The following TXLNB variants were observed in gnomAD, a reference collection of about 807,000 sequenced individuals.
TXLNB encodes the protein beta-taxilin.
Under a neutral mutation model 57.4 loss-of-function variants are expected in TXLNB, and 37 were observed. The ratio of observed to expected loss-of-function variants is 0.64; its 90% CI spans 0.50 to 0.85. TXLNB has a LOEUF of 0.85. Among genes scored for constraint, TXLNB ranks in the 40% least tolerant of loss-of-function variants. TXLNB has a pLI of 0.00. For synonymous variants in TXLNB, 302 were observed against 309.6 expected (o/e 0.98, Z 0.26); for missense variants, 848 against 825.6 (o/e 1.03, Z -0.33).
the TXLNB span, among the ~76,000 whole-genome samples, chr6:139,312,665 AC>A: frequency 8.3e-6 from 1 of 120,816 alleles, no homozygotes; most frequent in African/African-American, 3.5e-5. Context: ...TTGAATATGA[AC>A]CCCAAAACAT....
the TXLNB span, among the ~76,000 whole-genome samples, chr6:139,221,442 A>G: frequency 6.6e-6 from 1 of 152,120 alleles, no homozygotes; most frequent in Non-Finnish European, 1.5e-5. Flanking sequence ...GGAAGATAAC[A>G]CTTTCCAGAG....
chr6:139,210,679 G>A, the TXLNB span, among the ~76,000 whole-genome samples: 107 of 152,364 alleles, frequency 7.0e-4, no homozygotes, highest in East Asian at 0.014. Context: ...AAAGCAGGGC[G>A]AGGCATCGCC....
At chr6:139,228,727 C>A in the TXLNB span, among the ~76,000 whole-genome samples, 1 of 152,040 alleles carries the variant, frequency 6.6e-6, no homozygotes, top group South Asian at 2.1e-4. Flanking sequence ...TTAGACTGGA[C>A]CCCACTTGGT....
At chr6:139,185,016 T>C in the TXLNB span, among the ~76,000 whole-genome samples, 611 of 152,318 alleles carry the variant, frequency 4.0e-3, 2 homozygotes, top group Middle Eastern at 0.014. Flanking sequence ...CATTAACAAA[T>C]TGCATATTTT....
the TXLNB span, among the ~76,000 whole-genome samples, chr6:139,215,367 C>T: frequency 6.6e-6 from 1 of 152,120 alleles, no homozygotes; most frequent in Non-Finnish European, 1.5e-5. Context: ...CAAAAACAAG[C>T]AATGGGGAAA....
chr6:139,242,406 G>A lies in TXLNB; in HGVS notation c.*120C>T, dbSNP rs1340240229. 2 of 778,300 alleles carry A rather than the reference G, an allele frequency of 2.6e-6. No homozygotes were observed. Among genetic ancestry groups the A allele is most frequent in the African/African-American group, 1.8e-5 (1 of 55,658 alleles). 48.2% of individuals were successfully genotyped at this position (778,300 alleles called of 1,614,324 possible). A position where few individuals can be genotyped will look rare whatever the true frequency, so the allele number is the denominator to read the frequency against. ...TGTGTTCTGCCTAACATTAAAAAAT[G>A]TCTTGATCCTAAGTCTCTTCCATTT... On this transcript the variant is annotated 3_prime_UTR_variant, in exon 10 of 10. Coordinates refer to ENST00000358430, the MANE Select transcript of TXLNB (RefSeq NM_153235.4).
chr6:139,180,057 A>C, the TXLNB span: 2 of 152,216 alleles, frequency 1.3e-5, no homozygotes. Context: ...AGCAGTTGAT[A>C]TAATGGGTTT....
the TXLNB span, among the ~76,000 whole-genome samples, chr6:139,229,014 C>T: frequency 2.0e-5 from 3 of 152,158 alleles, no homozygotes; most frequent in Non-Finnish European, 4.4e-5. Flanking sequence ...CTTGATGGCC[C>T]CATCCAGACT....
chr6:139,236,013 C>A (rs1448596873), downstream of TXLNB, among the ~76,000 whole-genome samples: 1 of 152,150 alleles, frequency 6.6e-6, no homozygotes, highest in Non-Finnish European at 1.5e-5. Context: ...GGACGCTGGG[C>A]AGCCTGACTC....
chr6:139,244,645 TC>T lies in TXLNB; in HGVS notation c.1215del (p.Trp405Ter). On this transcript the variant is annotated frameshift_variant, in exon 9 of 10. Coordinates refer to ENST00000358430, the MANE Select transcript of TXLNB (RefSeq NM_153235.4). LOFTEE classifies it high-confidence loss of function. ...MKKLEKDTAT[W>X]KARFENCNKA... is the part of the protein sequence containing the mutation. ...TTGTTACAGTTCTCAAATCGGGCTT[TC>T]CATGTGGCTGTGTCCTTTTCCAGCT... The T allele has an allele frequency of 6.2e-7, 1 of 1,614,130 alleles. No individual in the cohort carries two copies.
At chr6:139,223,282 C>T in the TXLNB span, among the ~76,000 whole-genome samples, 6 of 151,982 alleles carry the variant, frequency 3.9e-5, no homozygotes, top group African/African-American at 1.4e-4. Context: ...CATAGTAGAT[C>T]AAAACTTGTG....
chr6:139,220,916 GA>G, the TXLNB span, among the ~76,000 whole-genome samples: 1 of 152,258 alleles, frequency 6.6e-6, no homozygotes, highest in Non-Finnish European at 1.5e-5. Context: ...TCAAGATAAT[GA>G]AATTGATGCT....
intron 8 of TXLNB, among the ~76,000 whole-genome samples, chr6:139,247,221 A>C (rs1031040659): frequency 6.6e-6 from 1 of 152,030 alleles, no homozygotes; most frequent in Non-Finnish European, 1.5e-5. Flanking sequence ...CACTCGCTGC[A>C]ACCTCTGCCT....
the TXLNB span, chr6:139,167,143 G>C: frequency 6.2e-7 from 1 of 1,614,180 alleles, no homozygotes; most frequent in Non-Finnish European, 8.5e-7. Flanking sequence ...TGGGCCAGGG[G>C]GAAGACTTGC....
intron 7 of TXLNB, 122 bp from the exon 8 acceptor site, chr6:139,248,031 C>T: frequency 1.9e-6 from 1 of 523,372 alleles, no homozygotes; most frequent in Non-Finnish European, 3.2e-6. Context: ...TTATTTACTA[C>T]AAGATTAACC....
At chr6:139,183,974 G>A in the TXLNB span, among the ~76,000 whole-genome samples, 82,856 of 151,998 alleles carry the variant, frequency 0.55, 23,500 homozygotes, top group Non-Finnish European at 0.58. Context: ...ATAGTGACCA[G>A]GCAAGAGACT....
In TXLNB at chr6:139,242,690, G is replaced by T; in HGVS notation, c.1891C>A (p.Pro631Thr). 1 of 1,611,112 alleles carries T rather than the reference G, an allele frequency of 6.2e-7. No homozygotes were observed. The highest frequency in any genetic ancestry group is 8.5e-7 in the Non-Finnish European group (1 of 1,178,914). The change falls in exon 10 of 10, where the codon CCT becomes ACT. Residue 631 changes from proline (P) to threonine (T), a missense_variant. Coordinates refer to ENST00000358430, the MANE Select transcript of TXLNB (RefSeq NM_153235.4). ...TCTTCTGCTGCGCATGCTGGAGCAG[G>T]CACATCTGCCTCCATCTTCTGTAGG... ...ASLQKMEADVPAPACAAEEHV... is the reference protein window; with the variant it reads ...ASLQKMEADVTAPACAAEEHV...
At chr6:139,229,738 T>G in the TXLNB span, among the ~76,000 whole-genome samples, 3 of 152,170 alleles carry the variant, frequency 2.0e-5, no homozygotes, top group African/African-American at 7.2e-5. Flanking sequence ...ACAGCGGGTG[T>G]GATCATCTCT....
At chr6:139,228,029 T>C in the TXLNB span, among the ~76,000 whole-genome samples, 1,456 of 152,330 alleles carry the variant, frequency 9.6e-3, 17 homozygotes, top group African/African-American at 0.033. Flanking sequence ...TTTAAAGATA[T>C]GTTGAGAAAT....
Sources: allele counts gnomAD v4.1 joint callset (sites outside exome capture counted in the v4.1 genomes callset), GRCh38; gene constraint gnomAD v4.1.1; transcripts MANE v1.5; gene names NCBI Gene and HGNC (gene_info 2026-07-23, HGNC 2026-07-21).